MROH9: variants seen among roughly 807,000 people sequenced by gnomAD.
MROH9 encodes the protein maestro heat like repeat family member 9.
A neutral mutation model predicts 98.2 loss-of-function variants in MROH9; 92 were observed. The ratio of observed to expected loss-of-function variants is 0.94; its 90% CI spans 0.79 to 1.11. The LOEUF (loss-of-function observed/expected upper bound fraction) is 1.11. Ranked by LOEUF, MROH9 falls within the 50% of genes most tolerant of loss-of-function variation. The pLI is 0.00. For missense variants in MROH9, 1,057 were observed against 1,014.8 expected (o/e 1.04, Z -0.57); for synonymous variants, 397 against 368.9 (o/e 1.08, Z -0.87).
intron 13 of MROH9, 37 bp downstream of exon 13, chr1:170,995,568 A>C: frequency 6.2e-7 from 1 of 1,608,666 alleles, no homozygotes; most frequent in Non-Finnish European, 8.5e-7. Context: ...TAAATAAGAG[A>C]TAAGCGTCCA....
chr1:171,000,169 C>A (rs1215891373), intron 15 of MROH9, among the ~76,000 whole-genome samples: 1 of 152,070 alleles, frequency 6.6e-6, no homozygotes, highest in East Asian at 1.9e-4. Context: ...TTTTGTCATG[C>A]AAAAGATCTT....
chr1:170,980,823 T>G (rs1307806700), intron 8 of MROH9, among the ~76,000 whole-genome samples: 1 of 151,740 alleles, frequency 6.6e-6, no homozygotes, highest in African/African-American at 2.4e-5. Context: ...ATTATCAGAG[T>G]GAATAAGCAA....
At chr1:171,060,578 G>A (rs1280105633) in intron 20 of MROH9, among the ~76,000 whole-genome samples, 2 of 152,182 alleles carry the variant, frequency 1.3e-5, no homozygotes, top group South Asian at 2.1e-4. Flanking sequence ...CACAATGATA[G>A]ACAGAATAGA....
chr1:171,010,674 T>C (rs552378723), intron 15 of MROH9, among the ~76,000 whole-genome samples: 2 of 152,370 alleles, frequency 1.3e-5, no homozygotes, highest in East Asian at 3.9e-4. Flanking sequence ...TTTGCATTTC[T>C]CTAATGACCA....
At chr1:170,996,025 AG>A (rs1434380380) in intron 13 of MROH9, among the ~76,000 whole-genome samples, 1 of 152,174 alleles carries the variant, frequency 6.6e-6, no homozygotes, top group Non-Finnish European at 1.5e-5. Context: ...CTGTCCACAT[AG>A]AAGTTTGGCA....
At chr1:171,042,856 T>A (rs1006865292) in intron 20 of MROH9, among the ~76,000 whole-genome samples, 1 of 152,188 alleles carries the variant, frequency 6.6e-6, no homozygotes, top group African/African-American at 2.4e-5. Context: ...CCTATAGAGT[T>A]GTTTGAACTC....
At chr1:171,033,254 A>G (rs1652985296) in intron 20 of MROH9, among the ~76,000 whole-genome samples, 1 of 152,236 alleles carries the variant, frequency 6.6e-6, no homozygotes, top group African/African-American at 2.4e-5. Flanking sequence ...AAGGAGCTCA[A>G]ATGGCTTAGG....
At chr1:170,981,748 A>AT (rs1650938678) in intron 8 of MROH9, among the ~76,000 whole-genome samples, 1 of 151,910 alleles carries the variant, frequency 6.6e-6, no homozygotes, top group African/African-American at 2.4e-5. Context: ...AGAAATAAAA[A>AT]AAAAAAACTC....
chr1:171,028,285 T>C (rs192598452), intron 20 of MROH9, among the ~76,000 whole-genome samples: 3 of 152,316 alleles, frequency 2.0e-5, no homozygotes, highest in Non-Finnish European at 2.9e-5. Context: ...GAATAGGAGA[T>C]CCTTTCCCCA....
At chr1:170,998,564 A>C in intron 15 of MROH9, 1 of 1,385,514 alleles carries the variant, frequency 7.2e-7, no homozygotes, top group Non-Finnish European at 9.3e-7. Context: ...TTTCTGCATG[A>C]TTGTTAAAGT....
chr1:171,052,417 T>C (rs946739674), intron 20 of MROH9, among the ~76,000 whole-genome samples: 5 of 151,782 alleles, frequency 3.3e-5, no homozygotes, highest in African/African-American at 1.2e-4. Flanking sequence ...GTGTGTGGAG[T>C]AGAGAAACCT....
At chr1:171,038,386 CACTT>C (rs1218732546) in intron 20 of MROH9, among the ~76,000 whole-genome samples, 2 of 152,266 alleles carry the variant, frequency 1.3e-5, no homozygotes, top group Non-Finnish European at 1.5e-5. Context: ...AGTGAGCAAT[CACTT>C]ACATTACTGG....
chr1:170,957,358 G>A (rs888887045), intron 3 of MROH9, among the ~76,000 whole-genome samples: 1 of 152,174 alleles, frequency 6.6e-6, no homozygotes, highest in African/African-American at 2.4e-5. Flanking sequence ...TATGGTAAAA[G>A]ATAAGGGTCC....
At chr1:171,055,911 A>G (rs1490057931) in intron 20 of MROH9, among the ~76,000 whole-genome samples, 1 of 152,168 alleles carries the variant, frequency 6.6e-6, no homozygotes, top group Non-Finnish European at 1.5e-5. Context: ...CCAGACGAGC[A>G]GAGGAGCCCC....
rs1284567410 is a variant in MROH9, at chr1:170,961,876, T to C, written c.289-14T>C. ...TCTAAGTCTGGCTGACTGTGCAATG[T>C]TTTTGTGTTTCAGAATTTATACCAC... On this transcript the variant is annotated splice_polypyrimidine_tract_variant and intron_variant, in intron 5 of 21. Transcript: ENST00000367759. 3.7e-6 allele frequency: 5 copies of C among 1,350,584 alleles called. No individual in the cohort carries two copies. The South Asian group carries it at 7.2e-5, about 19-fold the overall frequency. 83.7% of individuals were successfully genotyped at this position (1,350,584 alleles called of 1,614,324 possible). A position where few individuals can be genotyped will look rare whatever the true frequency, so the allele number is the denominator to read the frequency against.
chr1:170,982,811 G>A (rs1160560446), intron 8 of MROH9, among the ~76,000 whole-genome samples: 1 of 152,158 alleles, frequency 6.6e-6, no homozygotes, highest in Non-Finnish European at 1.5e-5. Context: ...GAGAAGATCA[G>A]TTGAGCCCAG....
At chr1:170,973,258 AC>A (rs1439443658) in intron 8 of MROH9, among the ~76,000 whole-genome samples, 1 of 152,210 alleles carries the variant, frequency 6.6e-6, no homozygotes, top group Non-Finnish European at 1.5e-5. Flanking sequence ...GTAGGAAACA[AC>A]AAAAATGATT....
At position 171,048,436 on chromosome 1, in the gene MROH9, G is replaced by C. The variant is rs142163757; in HGVS notation, c.2282-13696G>C. 4.9e-3 allele frequency among the ~76,000 whole-genome samples: 744 copies of C among 152,196 alleles called. 5 individuals are homozygous for C. The highest frequency in any genetic ancestry group is 8.6e-3 in the Non-Finnish European group (583 of 68,000). Reference sequence around the variant, plus strand: ...CACCTTGTAGCCACGACCATCCCACGTCATGAGGAGTACTGCCAGACTACC... The same window carrying C: ...CACCTTGTAGCCACGACCATCCCACCTCATGAGGAGTACTGCCAGACTACC... On this transcript the variant is annotated intron_variant, in intron 20 of 21. Coordinates refer to ENST00000367759, the MANE Select transcript of MROH9 (RefSeq NM_001163629.2).
At chr1:171,023,178 C>A (rs935610176) in intron 17 of MROH9, among the ~76,000 whole-genome samples, 1 of 152,136 alleles carries the variant, frequency 6.6e-6, no homozygotes, top group African/African-American at 2.4e-5. Context: ...TATGATCCTG[C>A]CCCTGCACTC....
Sources: allele counts gnomAD v4.1 joint callset (sites outside exome capture counted in the v4.1 genomes callset), GRCh38; gene constraint gnomAD v4.1.1; transcripts MANE v1.5; gene names NCBI Gene and HGNC (gene_info 2026-07-23, HGNC 2026-07-21).